FAM13B: variants seen among roughly 807,000 people sequenced by gnomAD.
The protein encoded by FAM13B is protein FAM13B.
Under a neutral mutation model 117.3 loss-of-function variants are expected in FAM13B, and 60 were observed. That is an observed-to-expected ratio of 0.51 (90% CI 0.42 to 0.63). The LOEUF is 0.63. Among genes scored for constraint, FAM13B ranks in the 30% least tolerant of loss-of-function variants. The pLI is 0.00. For missense variants in FAM13B, 972 were observed against 1,091.9 expected (o/e 0.89, Z 1.55); for synonymous variants, 332 against 356.1 (o/e 0.93, Z 0.76).
intron 1 of FAM13B, among the ~76,000 whole-genome samples, chr5:138,047,878 G>T (rs1220211471): frequency 6.6e-6 from 1 of 152,172 alleles, no homozygotes; most frequent in Non-Finnish European, 1.5e-5. Flanking sequence ...CTTTAGCCCA[G>T]TGAGACCCAC....
intron 13 of FAM13B, among the ~76,000 whole-genome samples, chr5:137,956,953 G>A (rs574432308): frequency 1.3e-5 from 2 of 152,274 alleles, no homozygotes; most frequent in African/African-American, 4.8e-5. Flanking sequence ...ATCTGAAGAT[G>A]GTATCCACTT....
intron 10 of FAM13B, among the ~76,000 whole-genome samples, chr5:137,966,525 G>GAGAGAGAGAGAGAGAGAGAGAGAGAGA (rs1561469187): frequency 1.8e-5 from 1 of 56,324 alleles, no homozygotes; most frequent in African/African-American, 6.3e-5. Flanking sequence ...AGAGAGAGAG[G>GAGAGAGAGAGAGAGAGAGAGAGAGAGA]GAAAGAGAGA....
At chr5:137,961,032 A>C (rs1425242652) in intron 11 of FAM13B, among the ~76,000 whole-genome samples, 1 of 152,194 alleles carries the variant, frequency 6.6e-6, no homozygotes, top group Non-Finnish European at 1.5e-5. Context: ...TAAATATTGC[A>C]AGTCATCTTC....
intron 10 of FAM13B, among the ~76,000 whole-genome samples, chr5:137,978,023 C>T (rs1774526864): frequency 1.3e-5 from 2 of 152,112 alleles, no homozygotes; most frequent in African/African-American, 4.8e-5. Context: ...ATTGGGACTG[C>T]ATTAGCTTTA....
chr5:137,987,954 A>T (rs1242563269), intron 8 of FAM13B, among the ~76,000 whole-genome samples: 1 of 152,208 alleles, frequency 6.6e-6, no homozygotes, highest in African/African-American at 2.4e-5. Context: ...ATAACCTACT[A>T]ACAGCAAAAT....
chr5:138,008,653 T>C (rs1168061361), intron 6 of FAM13B, among the ~76,000 whole-genome samples: 1 of 152,212 alleles, frequency 6.6e-6, no homozygotes, highest in East Asian at 1.9e-4. Flanking sequence ...TGTCTATACA[T>C]AATAAGCAAT....
At chr5:138,021,749 C>T (rs945130234) in intron 1 of FAM13B, among the ~76,000 whole-genome samples, 2 of 152,112 alleles carry the variant, frequency 1.3e-5, no homozygotes, top group African/African-American at 4.8e-5. Flanking sequence ...TTAATAACTC[C>T]GTCATTTTGT....
intron 7 of FAM13B, among the ~76,000 whole-genome samples, chr5:137,998,675 C>T (rs115227817): frequency 2.0e-4 from 31 of 152,302 alleles, no homozygotes; most frequent in Non-Finnish European, 2.4e-4. Context: ...CTCAAAAACA[C>T]CTGAATACTT....
chr5:138,009,500 AAGTTTTC>A (rs1054282896), intron 6 of FAM13B, among the ~76,000 whole-genome samples: 4 of 152,204 alleles, frequency 2.6e-5, no homozygotes, highest in African/African-American at 9.6e-5. Flanking sequence ...AAAAAAAAAA[AAGTTTTC>A]AGAAGTATAA....
At chr5:137,985,166 A>T in intron 10 of FAM13B, 91 bp downstream of exon 10, 1 of 1,284,248 alleles carries the variant, frequency 7.8e-7, no homozygotes, top group Non-Finnish European at 1.1e-6. Context: ...TAAGTGTATC[A>T]GCAAAATACT....
intron 12 of FAM13B, 49 bp from the exon 13 acceptor site, chr5:137,959,812 C>T (rs774545245): frequency 1.3e-6 from 2 of 1,580,290 alleles, no homozygotes; most frequent in East Asian, 2.3e-5. Flanking sequence ...AAGCTTTTCA[C>T]ACCCAGCTTA....
At chr5:138,002,274 A>T (rs989953723) in intron 7 of FAM13B, among the ~76,000 whole-genome samples, 1 of 152,232 alleles carries the variant, frequency 6.6e-6, no homozygotes, top group Admixed American at 6.5e-5. Context: ...CACACCTGTT[A>T]TCCCAACACT....
chr5:137,968,942 C>G (rs997445594), intron 10 of FAM13B, among the ~76,000 whole-genome samples: 4 of 152,226 alleles, frequency 2.6e-5, no homozygotes, highest in Non-Finnish European at 4.4e-5. Context: ...TATCCCGCAC[C>G]TGGCTTGGAG....
chr5:137,940,711 G>GTGAATTGGTTAA (rs1196105470), intron 23 of FAM13B, among the ~76,000 whole-genome samples: 4 of 152,172 alleles, frequency 2.6e-5, no homozygotes, highest in African/African-American at 9.7e-5. Context: ...GTTAACTGCG[G>GTGAATTGGTTAA]CTCCAGTGAA....
At chr5:138,027,040 T>C (rs1303355688) in intron 1 of FAM13B, among the ~76,000 whole-genome samples, 6 of 151,990 alleles carry the variant, frequency 3.9e-5, no homozygotes, top group African/African-American at 1.4e-4. Flanking sequence ...GAGGCTGAGA[T>C]GGAAGAATTT....
At chr5:137,945,549 C>G (rs1157406742) in intron 20 of FAM13B, among the ~76,000 whole-genome samples, 1 of 152,226 alleles carries the variant, frequency 6.6e-6, no homozygotes, top group Non-Finnish European at 1.5e-5. Flanking sequence ...GACAAGGAGT[C>G]TGAATGAGTT....
intron 2 of FAM13B, chr5:138,020,759 T>TCCACTGGATCAAGTGTATAC (rs1375625239): frequency 1.1e-5 from 2 of 182,850 alleles, no homozygotes; most frequent in Non-Finnish European, 1.1e-5. Flanking sequence ...AAAAATAAGG[T>TCCACTGGATCAAGTGTATAC]CCACTGGATC....
At chr5:137,949,314 T>G in intron 17 of FAM13B, 130 bp from the exon 18 acceptor site, 1 of 715,010 alleles carries the variant, frequency 1.4e-6, no homozygotes, top group African/African-American at 1.8e-5. Flanking sequence ...CAAAGCCAAA[T>G]AAAACATTTA....
intron 4 of FAM13B, 27 bp from the exon 5 acceptor site, chr5:138,011,972 T>C: frequency 2.0e-6 from 3 of 1,504,996 alleles, no homozygotes; most frequent in Non-Finnish European, 2.7e-6. Context: ...ACAGGTTTTT[T>C]TCAATAAAGG....
Sources: allele counts gnomAD v4.1 joint callset (sites outside exome capture counted in the v4.1 genomes callset), GRCh38; gene constraint gnomAD v4.1.1; transcripts MANE v1.5; gene names NCBI Gene and HGNC (gene_info 2026-07-23, HGNC 2026-07-21).